The following MAP2K3 variants were observed in gnomAD, a reference collection of about 807,000 sequenced individuals.
The protein encoded by MAP2K3 is mitogen-activated protein kinase kinase 3.
In MAP2K3, 30 loss-of-function variants were observed where a neutral mutation model predicts 46.4. That is an observed-to-expected ratio of 0.65 (90% confidence interval 0.48 to 0.88). The LOEUF (loss-of-function observed/expected upper bound fraction) is 0.88. Ranked by LOEUF, MAP2K3 falls within the 40% of genes least tolerant of loss-of-function variation. The pLI is 0.00. For synonymous variants in MAP2K3, 189 were observed against 176.3 expected (o/e 1.07, Z -0.57); for missense variants, 380 against 464.5 (o/e 0.82, Z 1.67).
intron 2 of MAP2K3, 85 bp from the exon 3 acceptor site, chr17:21,298,793 C>T: frequency 1.9e-6 from 3 of 1,601,216 alleles, no homozygotes; most frequent in Non-Finnish European, 1.7e-6. Flanking sequence ...GTCCCCACGC[C>T]AGGCCCCACA....
chr17:21,298,756 A>G, intron 2 of MAP2K3, 122 bp from the exon 3 acceptor site: 2 of 1,444,184 alleles, frequency 1.4e-6, no homozygotes, highest in Non-Finnish European at 1.9e-6. Context: ...TGGCCGGAGA[A>G]GGCGCCTCCG....
intron 9 of MAP2K3, among the ~76,000 whole-genome samples, chr17:21,311,296 G>A (rs1166605456): frequency 3.9e-5 from 6 of 152,072 alleles, no homozygotes; most frequent in South Asian, 2.1e-4. Context: ...CGGGGCCAGG[G>A]CTGACATAAC....
intron 9 of MAP2K3, among the ~76,000 whole-genome samples, chr17:21,306,949 C>G (rs74217256): frequency 1.3e-5 from 2 of 152,296 alleles, no homozygotes; most frequent in Non-Finnish European, 2.9e-5. Context: ...CTATGCCCAG[C>G]TACTTTTTTA....
intron 1 of MAP2K3, among the ~76,000 whole-genome samples, chr17:21,292,162 C>T (rs1466264491): frequency 1.3e-5 from 2 of 152,310 alleles, no homozygotes; most frequent in Non-Finnish European, 2.9e-5. Context: ...GAGCAGCCTG[C>T]TGCGGGGGCT....
intron 9 of MAP2K3, among the ~76,000 whole-genome samples, chr17:21,310,201 G>T (rs367645386): frequency 8.1e-4 from 123 of 151,982 alleles, no homozygotes; most frequent in African/African-American, 2.7e-3. Context: ...TAGAGATGGG[G>T]TTTCTCCATG....
In MAP2K3 at chr17:21,298,891, C is replaced by T. The variant is rs765002445; in HGVS notation, c.130C>T (p.Leu44=). Residue 44 remains leucine (L), a synonymous_variant, in exon 3 of 12, where the codon CTG becomes TTG. Transcript: ENST00000342679. ...PAPNPTPPRN[L]DSRTFITIGD... Reference sequence around the variant, plus strand: ...CTTTCTCCACAGACCCCCCCGGAACCTGGACTCCCGGACCTTCATCACCAT... The same window carrying T: ...CTTTCTCCACAGACCCCCCCGGAACTTGGACTCCCGGACCTTCATCACCAT... 19 of 1,614,172 alleles carry T rather than the reference C, an allele frequency of 1.2e-5. No homozygotes were observed. In the Admixed American group the frequency reaches 3.2e-4, roughly 27 times the overall value.
intron 3 of MAP2K3, among the ~76,000 whole-genome samples, chr17:21,300,126 T>C (rs1200242675): frequency 1.3e-5 from 2 of 152,312 alleles, no homozygotes; most frequent in Non-Finnish European, 2.9e-5. Context: ...GAAACATCTG[T>C]GAAGGCAATA....
intron 1 of MAP2K3, among the ~76,000 whole-genome samples, chr17:21,294,842 C>A (rs1976149871): frequency 6.6e-6 from 1 of 152,312 alleles, no homozygotes; most frequent in Admixed American, 6.5e-5. Context: ...TTACATATGT[C>A]CAGAGAGGTG....
rs1188573516 is a variant in MAP2K3, at chr17:21,298,459, G to A, written c.96G>A (p.Lys32=). 3.1e-6 allele frequency: 5 copies of A among 1,614,200 alleles called. No homozygotes were observed. The highest frequency in any genetic ancestry group is 4.2e-6 in the Non-Finnish European group (5 of 1,180,066). ...KKDLRISCMS[K]PPAPNPTPPR... ...ATCTACGGATATCCTGCATGTCCAA[G>A]CCACCCGCACCCAACCCCACGTGAG... The change falls in exon 2 of 12, where the codon AAG becomes AAA. Residue 32 remains lysine (K), a synonymous_variant. Transcript: ENST00000342679.
chr17:21,285,944 G>A (rs1975711375), intron 1 of MAP2K3, among the ~76,000 whole-genome samples: 1 of 152,124 alleles, frequency 6.6e-6, no homozygotes, highest in African/African-American at 2.4e-5. Flanking sequence ...TGGTGCGTCG[G>A]AGTTTCAGTA....
At chr17:21,288,843 G>A (rs1331495580) in intron 1 of MAP2K3, among the ~76,000 whole-genome samples, 1 of 152,212 alleles carries the variant, frequency 6.6e-6, no homozygotes, top group African/African-American at 2.4e-5. Flanking sequence ...GGGGTCCTGG[G>A]CTCTGCTGGG....
intron 1 of MAP2K3, among the ~76,000 whole-genome samples, chr17:21,289,211 C>T (rs562743480): frequency 1.3e-5 from 2 of 152,348 alleles, no homozygotes; most frequent in South Asian, 4.1e-4. Context: ...GGGCTGGGGA[C>T]TGCCCCTGGC....
In MAP2K3 at chr17:21,313,487, C is replaced by T. The variant is rs1430313910; in HGVS notation, c.915-5C>T. On this transcript the variant is annotated splice_region_variant and splice_polypyrimidine_tract_variant and intron_variant, in intron 10 of 11. Coordinates refer to ENST00000342679, the MANE Select transcript of MAP2K3 (RefSeq NM_145109.3). ...CCTGGCCACAGCTGCACTATTCTCT[C>T]CTAGCCTGAGGAAGAACCCCGCAGA... 1.2e-6 allele frequency: 2 copies of T among 1,612,622 alleles called. No homozygotes were observed. Among genetic ancestry groups the T allele is most frequent in the Non-Finnish European group, 1.7e-6 (2 of 1,179,724 alleles).
intron 1 of MAP2K3, among the ~76,000 whole-genome samples, chr17:21,291,002 GGAGGCC>G (rs1273453331): frequency 4.6e-5 from 7 of 152,424 alleles, no homozygotes; most frequent in Admixed American, 3.9e-4. Context: ...CAGCACTTTG[GGAGGCC>G]GAGGCGGGTG....
chr17:21,307,006 G>A (rs1976920124), intron 9 of MAP2K3, among the ~76,000 whole-genome samples: 1 of 152,298 alleles, frequency 6.6e-6, no homozygotes, highest in South Asian at 2.1e-4. Flanking sequence ...GGCTGGTCTT[G>A]AAATCCTGGG....
rs1337037694 is a variant in MAP2K3, at chr17:21,302,113, G to A, written c.400-30G>A. The A allele has an allele frequency of 2.5e-6, 4 of 1,612,280 alleles. No individual in the cohort carries two copies. In the African/African-American group the frequency reaches 4.0e-5, roughly 16 times the overall value. ...TGGTGCAGACACGGGCAGCCCGGCA[G>A]CCTGGCTGAGCTCTGGGTGTCACCC... is the stretch of plus-strand genomic sequence containing the variant. On this transcript the variant is annotated intron_variant, in intron 5 of 11. Transcript: ENST00000342679.
intron 1 of MAP2K3, among the ~76,000 whole-genome samples, chr17:21,290,797 A>G (rs1351212566): frequency 3.3e-5 from 5 of 152,304 alleles, no homozygotes; most frequent in African/African-American, 1.2e-4. Context: ...AAAAAACATA[A>G]AAGATTAGCT....
chr17:21,301,066 A>G (rs1976572531), intron 5 of MAP2K3, 73 bp downstream of exon 5: 1 of 1,610,648 alleles, frequency 6.2e-7, no homozygotes, highest in Admixed American at 1.7e-5. Context: ...ACTGTCACTC[A>G]GTCCCTCCAG....
At chr17:21,303,384 A>G (rs1976715245) in intron 7 of MAP2K3, 150 bp downstream of exon 7, 5 of 1,116,384 alleles carry the variant, frequency 4.5e-6, no homozygotes, top group South Asian at 4.4e-5. Flanking sequence ...TTCCACCTGC[A>G]GCCCTGCAGC....
Sources: allele counts gnomAD v4.1 joint callset (sites outside exome capture counted in the v4.1 genomes callset), GRCh38; gene constraint gnomAD v4.1.1; transcripts MANE v1.5; gene names NCBI Gene and HGNC (gene_info 2026-07-23, HGNC 2026-07-21).